The following MAD1L1 variants were observed in gnomAD, a reference collection of about 807,000 sequenced individuals.
The protein encoded by MAD1L1 is mitotic arrest deficient 1 like 1, also known as mitotic spindle assembly checkpoint protein MAD1.
Under a neutral mutation model 96.9 loss-of-function variants are expected in MAD1L1, and 95 were observed. The ratio of observed to expected loss-of-function variants is 0.98; its 90% confidence interval spans 0.83 to 1.16. The LOEUF (loss-of-function observed/expected upper bound fraction) is 1.16, where lower values mean the gene tolerates loss of function less well. MAD1L1 is among the 50% of genes most tolerant of loss of function. The pLI, the probability that MAD1L1 is intolerant of heterozygous loss-of-function variation, is 0.00. For missense variants in MAD1L1, 1,007 were observed against 954.4 expected (o/e 1.06, Z -0.73); for synonymous variants, 473 against 396.6 (o/e 1.19, Z -2.29).
chr7:1,964,780 C>T (rs1315618449), intron 15 of MAD1L1, among the ~76,000 whole-genome samples: 1 of 152,218 alleles, frequency 6.6e-6, no homozygotes, highest in East Asian at 1.9e-4. Context: ...ACAAACCCAT[C>T]ACACACGGGG....
intron 17 of MAD1L1, among the ~76,000 whole-genome samples, chr7:1,922,462 G>A (rs374316418): frequency 1.1e-4 from 17 of 152,354 alleles, no homozygotes; most frequent in African/African-American, 3.8e-4. Flanking sequence ...CAGACACACG[G>A]ACATATTTCT....
At chr7:1,840,294 G>A (rs1416796407) in intron 18 of MAD1L1, among the ~76,000 whole-genome samples, 4 of 152,200 alleles carry the variant, frequency 2.6e-5, no homozygotes, top group African/African-American at 9.7e-5. Flanking sequence ...TAATTCACCC[G>A]TGAGCCCCAG....
chr7:2,074,708 C>A (rs2128533677), intron 11 of MAD1L1, among the ~76,000 whole-genome samples: 1 of 152,362 alleles, frequency 6.6e-6, no homozygotes, highest in East Asian at 1.9e-4. Flanking sequence ...CCTGGCACCG[C>A]AAAGTAGGGC....
At chr7:2,199,413 C>G (rs1792164222) in intron 10 of MAD1L1, among the ~76,000 whole-genome samples, 1 of 152,248 alleles carries the variant, frequency 6.6e-6, no homozygotes, top group Admixed American at 6.5e-5. Context: ...GGTCCCCTGC[C>G]TGCCGTCATG....
At chr7:1,897,881 T>A (rs1267635037) in intron 18 of MAD1L1, among the ~76,000 whole-genome samples, 1 of 152,168 alleles carries the variant, frequency 6.6e-6, no homozygotes, top group South Asian at 2.1e-4. Flanking sequence ...CTGGACACAC[T>A]GACACACACG....
intron 17 of MAD1L1, among the ~76,000 whole-genome samples, chr7:1,911,334 G>A (rs535020657): frequency 1.3e-5 from 2 of 152,228 alleles, no homozygotes; most frequent in South Asian, 4.1e-4. Flanking sequence ...AGGCCCCAGG[G>A]GTCTTTCTTT....
At chr7:2,231,314 T>A (rs1794179981) in intron 1 of MAD1L1, among the ~76,000 whole-genome samples, 1 of 151,650 alleles carries the variant, frequency 6.6e-6, no homozygotes. Context: ...AATAAATGAA[T>A]GAATAAATAA....
chr7:1,830,444 A>G (rs1049126932), intron 18 of MAD1L1, among the ~76,000 whole-genome samples: 1 of 152,216 alleles, frequency 6.6e-6, no homozygotes, highest in African/African-American at 2.4e-5. Flanking sequence ...ACACAAGAAG[A>G]AGGAAGAACA....
intron 12 of MAD1L1, among the ~76,000 whole-genome samples, chr7:2,029,964 C>T (rs1783148264): frequency 2.0e-5 from 3 of 152,220 alleles, no homozygotes; most frequent in East Asian, 1.9e-4. Flanking sequence ...AGCGCCCAGA[C>T]ACGAGTGCCA....
chr7:1,954,030 T>C (rs1779618506), intron 16 of MAD1L1, among the ~76,000 whole-genome samples: 1 of 152,008 alleles, frequency 6.6e-6, no homozygotes, highest in Non-Finnish European at 1.5e-5. Flanking sequence ...TCACTGTGTG[T>C]CCTGCCCCGT....
intron 10 of MAD1L1, among the ~76,000 whole-genome samples, chr7:2,155,617 T>C (rs924152593): frequency 1.3e-5 from 2 of 152,200 alleles, no homozygotes; most frequent in African/African-American, 4.8e-5. Flanking sequence ...GGCTCATCCA[T>C]GTTACAGCAT....
intron 4 of MAD1L1, 75 bp downstream of exon 4, chr7:2,225,335 A>C: frequency 1.3e-6 from 2 of 1,515,308 alleles, no homozygotes; most frequent in Middle Eastern, 1.9e-4. Flanking sequence ...ATTTCTTATA[A>C]CCTGGCAGGT....
chr7:2,189,377 T>C (rs963734553), intron 10 of MAD1L1, among the ~76,000 whole-genome samples: 2 of 152,224 alleles, frequency 1.3e-5, no homozygotes, highest in African/African-American at 2.4e-5. Context: ...GTAGCTACAA[T>C]GTGGAAGCAA....
At chr7:2,170,683 G>A (rs144026498) in intron 10 of MAD1L1, among the ~76,000 whole-genome samples, 20 of 152,318 alleles carry the variant, frequency 1.3e-4, no homozygotes, top group Admixed American at 2.0e-4. Flanking sequence ...AGCCAGGGAC[G>A]GTAAGGTGGC....
At chr7:2,156,528 A>G (rs1341380758) in intron 10 of MAD1L1, among the ~76,000 whole-genome samples, 1 of 152,084 alleles carries the variant, frequency 6.6e-6, no homozygotes, top group Non-Finnish European at 1.5e-5. Flanking sequence ...GCATAAATAG[A>G]GAGGGGAGGC....
At chr7:1,862,467 C>A (rs904955118) in intron 18 of MAD1L1, among the ~76,000 whole-genome samples, 6 of 152,194 alleles carry the variant, frequency 3.9e-5, no homozygotes, top group African/African-American at 1.2e-4. Flanking sequence ...CGGAGAGTCC[C>A]GAGACTGCAG....
chr7:1,975,408 C>T (rs565370437), intron 15 of MAD1L1, among the ~76,000 whole-genome samples: 1 of 152,128 alleles, frequency 6.6e-6, no homozygotes, highest in African/African-American at 2.4e-5. Flanking sequence ...GCAGCAGGAG[C>T]GGCTGCAGAA....
intron 12 of MAD1L1, among the ~76,000 whole-genome samples, chr7:2,021,276 C>T (rs1488421379): frequency 2.0e-5 from 3 of 152,178 alleles, no homozygotes; most frequent in Non-Finnish European, 4.4e-5. Flanking sequence ...TCATATTCAA[C>T]TGTGGAAAAT....
chr7:1,826,336 G>T (rs546953072), intron 18 of MAD1L1, among the ~76,000 whole-genome samples: 4 of 151,994 alleles, frequency 2.6e-5, no homozygotes. Flanking sequence ...GTATTACCTC[G>T]GCCGAGGGCC....
Sources: allele counts gnomAD v4.1 joint callset (sites outside exome capture counted in the v4.1 genomes callset), GRCh38; gene constraint gnomAD v4.1.1; transcripts MANE v1.5; gene names NCBI Gene and HGNC (gene_info 2026-07-23, HGNC 2026-07-21).